Variants in CCDC66 observed in about 807,000 individuals in gnomAD.
The protein encoded by CCDC66 is coiled-coil domain containing 66.
Under a neutral mutation model 128.3 loss-of-function variants are expected in CCDC66, and 133 were observed. The ratio of observed to expected loss-of-function variants is 1.04; its 90% CI spans 0.90 to 1.20. The LOEUF (loss-of-function observed/expected upper bound fraction) is 1.20, where lower values mean the gene tolerates loss of function less well. Ranked by LOEUF, CCDC66 falls within the 50% of genes most tolerant of loss-of-function variation. The pLI is 0.00. For synonymous variants in CCDC66, 387 were observed against 357.0 expected (o/e 1.08, Z -0.95); for missense variants, 1,126 against 1,075.5 (o/e 1.05, Z -0.66).
At chr3:56,566,547 CAG>C (rs1226910560) in intron 4 of CCDC66, 45 bp from the exon 5 acceptor site, 2 of 1,231,372 alleles carry the variant, frequency 1.6e-6, no homozygotes, top group Admixed American at 3.6e-5. Context: ...AGTATTATAA[CAG>C]ATGTAATTTA....
chr3:56,580,214 A>C (rs529217152), intron 7 of CCDC66, among the ~76,000 whole-genome samples: 1 of 151,848 alleles, frequency 6.6e-6, no homozygotes, highest in Admixed American at 6.6e-5. Context: ...CTGTTTTATC[A>C]GAGACTAGGA....
At chr3:56,611,529 C>A (rs4538344) in intron 10 of CCDC66, among the ~76,000 whole-genome samples, 5,056 of 151,802 alleles carry the variant, frequency 0.033, 114 homozygotes, top group Middle Eastern at 0.078. Flanking sequence ...GTTCTTCCCC[C>A]ACCTGTGGAG....
intron 7 of CCDC66, among the ~76,000 whole-genome samples, chr3:56,588,399 C>CT (rs1331160959): frequency 1.3e-5 from 2 of 152,044 alleles, no homozygotes; most frequent in African/African-American, 4.8e-5. Context: ...CAGATCACCA[C>CT]TAAAGAACTT....
chr3:56,601,472 A>G (rs1436618640), intron 10 of CCDC66, among the ~76,000 whole-genome samples: 4 of 152,090 alleles, frequency 2.6e-5, no homozygotes, highest in Admixed American at 1.3e-4. Context: ...TTTTGATTCC[A>G]TAGGAAATTT....
intron 17 of CCDC66, chr3:56,621,019 C>G (rs74586578): frequency 1.0e-5 from 1 of 97,518 alleles, no homozygotes; most frequent in East Asian, 3.2e-4. Flanking sequence ...AGTTAGTTAG[C>G]CAGGCGTGGT....
intron 7 of CCDC66, among the ~76,000 whole-genome samples, chr3:56,574,130 G>A (rs572857229): frequency 2.2e-4 from 33 of 151,684 alleles, no homozygotes; most frequent in Admixed American, 2.1e-3. Flanking sequence ...TTGGGAGGCC[G>A]AGGTGGGCGG....
intron 10 of CCDC66, among the ~76,000 whole-genome samples, chr3:56,608,165 G>T (rs1476030185): frequency 1.3e-5 from 2 of 152,040 alleles, no homozygotes; most frequent in Non-Finnish European, 1.5e-5. Context: ...ATTAGGGAGG[G>T]TTCCTTCTTT....
At chr3:56,603,253 T>C (rs2073525150) in intron 10 of CCDC66, among the ~76,000 whole-genome samples, 1 of 151,788 alleles carries the variant, frequency 6.6e-6, no homozygotes, top group Admixed American at 6.6e-5. Context: ...GATTCATTGA[T>C]TTTTTTTGAA....
intron 7 of CCDC66, among the ~76,000 whole-genome samples, chr3:56,583,444 C>CG (rs2068784373): frequency 6.6e-6 from 1 of 151,756 alleles, no homozygotes; most frequent in Admixed American, 6.6e-5. Flanking sequence ...GAGGACCCTG[C>CG]GGCCTTCCGC....
chr3:56,572,138 A>G (rs2066719276), intron 7 of CCDC66, among the ~76,000 whole-genome samples: 1 of 152,180 alleles, frequency 6.6e-6, no homozygotes, highest in South Asian at 2.1e-4. Flanking sequence ...CTCCCTTTAG[A>G]GTCTTATAAA....
chr3:56,557,272 G>A lies in CCDC66; in HGVS notation c.11+19G>A. The A allele has an allele frequency of 6.4e-7, 1 of 1,550,670 alleles. No homozygotes were observed. The highest frequency in any genetic ancestry group is 8.7e-7 in the Non-Finnish European group (1 of 1,146,580). On this transcript the variant is annotated intron_variant, in intron 1 of 17. Transcript: ENST00000394672. Reference sequence around the variant, plus strand: ...ACTTGGGGTAAGCAGGGGTAAGCTGGGGTAAGCTGGGGTAAGCAAGGTGGT... The same window carrying A: ...ACTTGGGGTAAGCAGGGGTAAGCTGAGGTAAGCTGGGGTAAGCAAGGTGGT...
Position 56,619,253 on chromosome 3 carries a change from T to A in CCDC66, c.2379-18T>A, listed in dbSNP as rs1559785890. On this transcript the variant is annotated intron_variant, in intron 15 of 17. Coordinates refer to ENST00000394672, the MANE Select transcript of CCDC66 (RefSeq NM_001141947.3). ...TTAATCTAAATACACAATTTTTTAC[T>A]ATTTTTTTTTTAAATAGGTCTCCAT... The A allele has an allele frequency of 2.6e-6, 4 of 1,530,832 alleles. No homozygotes were observed. Among genetic ancestry groups the A allele is most frequent in the Non-Finnish European group, 3.5e-6 (4 of 1,137,346 alleles). 94.8% of individuals were successfully genotyped at this position (1,530,832 alleles called of 1,614,324 possible).
chr3:56,583,522 A>T (rs539088990), intron 7 of CCDC66, among the ~76,000 whole-genome samples: 1 of 151,868 alleles, frequency 6.6e-6, no homozygotes, highest in African/African-American at 2.4e-5. Context: ...TGCTGCCTTC[A>T]AGCATCTGTT....
At position 56,577,348 on chromosome 3, in the gene CCDC66, A is replaced by C. The variant is rs567964804; in HGVS notation, c.936+6046A>C. 3.3e-5 allele frequency among the ~76,000 whole-genome samples: 5 copies of C among 151,976 alleles called. No homozygotes were observed. In the South Asian group the frequency reaches 1.0e-3, roughly 32 times the overall value. ...CCCTTTGTCAGATGAGTAGATTGCA[A>C]AATTTTTCTCCCATTCTGTAGGTTG... On this transcript the variant is annotated intron_variant, in intron 7 of 17. Transcript: ENST00000394672.
At chr3:56,593,901 A>G in intron 9 of CCDC66, 43 bp from the exon 10 acceptor site, 3 of 1,600,528 alleles carry the variant, frequency 1.9e-6, no homozygotes, top group South Asian at 1.1e-5. Flanking sequence ...TGTTGAATCT[A>G]CCTTTTTGAG....
intron 7 of CCDC66, among the ~76,000 whole-genome samples, chr3:56,578,043 A>T (rs1416807534): frequency 6.6e-6 from 1 of 151,838 alleles, no homozygotes. Flanking sequence ...GATTCTTCCT[A>T]TCCATGAGTA....
At chr3:56,570,204 T>A (rs891559906) in intron 6 of CCDC66, 4 of 152,190 alleles carry the variant, frequency 2.6e-5, no homozygotes, top group African/African-American at 9.7e-5. Flanking sequence ...TGCCTCTATT[T>A]AAGTCATGCT....
At chr3:56,561,648 A>G (rs948988087) in intron 3 of CCDC66, among the ~76,000 whole-genome samples, 1 of 152,238 alleles carries the variant, frequency 6.6e-6, no homozygotes, top group African/African-American at 2.4e-5. Flanking sequence ...CCATATTGAT[A>G]GAGGTTACAG....
chr3:56,608,457 G>T (rs1259850082), intron 10 of CCDC66, among the ~76,000 whole-genome samples: 1 of 152,082 alleles, frequency 6.6e-6, no homozygotes, highest in Non-Finnish European at 1.5e-5. Context: ...TATTTCAGTG[G>T]TGTCAGTTGT....
Sources: gnomAD v4.1 joint callset for allele counts (sites outside exome capture counted in the v4.1 genomes callset) on GRCh38, gnomAD v4.1.1 for gene constraint, MANE v1.5 for transcripts, NCBI Gene and HGNC (gene_info 2026-07-23, HGNC 2026-07-21) for gene names.